The following MLYCD variants were observed in gnomAD, a reference collection of about 807,000 sequenced individuals.
MLYCD encodes the protein malonyl-CoA decarboxylase, mitochondrial.
MLYCD carries 27 observed loss-of-function variants against 35.8 expected under a neutral mutation model. The observed-to-expected ratio is 0.75, with a 90% CI of 0.56 to 1.04. MLYCD has a LOEUF of 1.04. Among genes scored for constraint, MLYCD ranks in the 50% least tolerant of loss-of-function variants. The pLI, the probability that MLYCD is intolerant of heterozygous loss-of-function variation, is 0.00. For synonymous variants in MLYCD, 403 were observed against 302.4 expected, an observed-to-expected ratio of 1.33 and a Z score of -3.45; for missense variants, 917 against 665.1, an observed-to-expected ratio of 1.38 and a Z score of -4.17.
Position 83,924,502 on chromosome 16 carries a change from A to T in MLYCD, c.*9013A>T, listed in dbSNP as rs1907748061. The T allele has an allele frequency of 6.6e-6, 1 of 152,146 alleles. No individual in the cohort carries two copies. The highest frequency in any genetic ancestry group is 6.5e-5 in the Admixed American group (1 of 15,268). 9.4% of individuals were successfully genotyped at this position (152,146 alleles called of 1,614,324 possible). A position where few individuals can be genotyped will look rare whatever the true frequency, so the allele number is the denominator to read the frequency against. On this transcript the variant is annotated 3_prime_UTR_variant, in exon 5 of 5. Transcript: ENST00000262430. ...TTGTTCTCTCACGTCTGTTGCCGTA[A>T]ATCTGTCTCCATCGCCTGGCACATA...
chr16:83,903,893 C>T (rs1457031122), intron 1 of MLYCD, among the ~76,000 whole-genome samples: 2 of 152,174 alleles, frequency 1.3e-5, no homozygotes, highest in Admixed American at 6.5e-5. Context: ...CCTGAATTAA[C>T]GCACGTACAG....
In MLYCD at chr16:83,918,981, G is replaced by A. The variant is rs372973399; in HGVS notation, c.*3492G>A. ...GCATAGAGCACAGACACAGTGCACA[G>A]GAGAACCACACAATGTACAGGAGAA... On this transcript the variant is annotated 3_prime_UTR_variant, in exon 5 of 5. Transcript: ENST00000262430. The A allele has an allele frequency of 2.7e-5, 4 of 148,480 alleles. No homozygotes were observed. Among genetic ancestry groups the A allele is most frequent in the African/African-American group, 1.0e-4 (4 of 39,676 alleles). 9.2% of individuals were successfully genotyped at this position (148,480 alleles called of 1,614,324 possible).
At position 83,906,973 on chromosome 16, in the gene MLYCD, C is replaced by G. The variant is rs778079452; in HGVS notation, c.529-14C>G. 1 of 1,610,574 alleles carries G rather than the reference C, an allele frequency of 6.2e-7. No homozygotes were observed. ...CGCACATTGGAGGCCTGGGATTTAT[C>G]TTCTCCTTTTCAGGAAATGAATGGG... On this transcript the variant is annotated splice_polypyrimidine_tract_variant and intron_variant, in intron 1 of 4. Transcript: ENST00000262430.
intron 1 of MLYCD, among the ~76,000 whole-genome samples, chr16:83,903,339 C>G (rs1009835514): frequency 1.1e-4 from 16 of 152,122 alleles, no homozygotes; most frequent in Non-Finnish European, 2.9e-5. Context: ...TCTGTGCTTA[C>G]CTATGCTAAA....
rs1056764518 is a variant in MLYCD at position 83,920,464 on chromosome 16, G to C, written c.*4975G>C. 6.6e-6 allele frequency: 1 copy of C among 152,238 alleles called. No homozygotes were observed. Among genetic ancestry groups the C allele is most frequent in the Admixed American group, 6.5e-5 (1 of 15,270 alleles). The allele number at this position is 152,238 out of a possible 1,614,324, so 9.4% of individuals were successfully genotyped here. ...TGGGAGACACGCAGGAAGACCCCCA[G>C]CCCATGCCCGTTCTCAGGCCTGAGG... On this transcript the variant is annotated 3_prime_UTR_variant, in exon 5 of 5. Transcript: ENST00000262430.
Position 83,899,655 on chromosome 16 carries a change from GAGGGGCCGGACGTCCGGGTA to G in MLYCD, c.520_528+11del, listed in dbSNP as rs1243469712. The G allele has an allele frequency of 7.8e-6, 12 of 1,536,228 alleles. No homozygotes were observed. Among genetic ancestry groups the G allele is most frequent in the African/African-American group, 4.2e-5 (3 of 72,006 alleles). ...GGAGGCGCAGGCCCTCAAGCTGGTG[GAGGGGCCGGACGTCCGGGTA>G]AGGGGCCGCCGTCGATCCCCCGGCA... On this transcript the variant is annotated splice_donor_variant and splice_donor_region_variant and coding_sequence_variant and intron_variant, in exon 1 of 5. Coordinates refer to ENST00000262430, the MANE Select transcript of MLYCD (RefSeq NM_012213.3). LOFTEE classifies it high-confidence loss of function.
chr16:83,903,518 A>G (rs370747793), intron 1 of MLYCD, among the ~76,000 whole-genome samples: 81 of 151,840 alleles, frequency 5.3e-4, no homozygotes, highest in African/African-American at 1.6e-3. Context: ...GGACAAGGGA[A>G]GGTAACTTTT....
intron 1 of MLYCD, among the ~76,000 whole-genome samples, chr16:83,900,187 C>A (rs552899018): frequency 6.6e-6 from 1 of 152,116 alleles, no homozygotes; most frequent in Non-Finnish European, 1.5e-5. Flanking sequence ...CCAGGAGTCT[C>A]CATGGCTTCT....
intron 1 of MLYCD, 146 bp downstream of exon 1, chr16:83,899,818 T>C: frequency 9.6e-7 from 1 of 1,043,984 alleles, no homozygotes; most frequent in South Asian, 1.7e-5. Flanking sequence ...CTGCCAACTG[T>C]GTCCCCTTCC....
At position 83,899,451 on chromosome 16, in the gene MLYCD, G is replaced by T; in HGVS notation, c.307G>T (p.Ala103Ser). 6.6e-7 allele frequency: 1 copy of T among 1,524,206 alleles called. No individual in the cohort carries two copies. Among genetic ancestry groups the T allele is most frequent in the East Asian group, 2.6e-5 (1 of 38,002 alleles). 94.4% of individuals were successfully genotyped at this position (1,524,206 alleles called of 1,614,324 possible). The change falls in exon 1 of 5, where the codon GCG becomes TCG. Residue 103 changes from alanine (A) to serine (S), a missense_variant. Ala to Ser is a moderately conservative substitution (Grantham distance 99, BLOSUM62 1). Transcript: ENST00000262430. ...CTTCGGCGTGGACCACGGCCAGGTGGCGGAGCAGAGCGCCGGCGTGCTCCA... is the reference window on the plus strand; with the variant it reads ...CTTCGGCGTGGACCACGGCCAGGTGTCGGAGCAGAGCGCCGGCGTGCTCCA... ...RGFGVDHGQVAEQSAGVLHLR... is the reference protein window; with the variant it reads ...RGFGVDHGQVSEQSAGVLHLR...
At position 83,899,160 on chromosome 16, in the gene MLYCD, C is replaced by T; in HGVS notation, c.16C>T (p.Pro6Ser). Reference protein sequence around the residue: MRGFGPGLTARRLLPL... With the variant: MRGFGSGLTARRLLPL... ...GTGGGGCACCATGCGAGGCTTCGGG[C>T]CAGGCTTGACGGCCAGGCGTCTCCT... is the stretch of plus-strand genomic sequence containing the variant. Residue 6 changes from proline to serine, a missense_variant, in exon 1 of 5, where the codon CCA becomes TCA. By Grantham distance (74) the Pro-to-Ser change is moderately conservative. Coordinates refer to ENST00000262430, the MANE Select transcript of MLYCD (RefSeq NM_012213.3). The T allele has an allele frequency of 8.7e-7, 1 of 1,155,108 alleles. No individual in the cohort carries two copies. The highest frequency in any genetic ancestry group is 4.7e-5 in the Admixed American group (1 of 21,426). The allele number at this position is 1,155,108 out of a possible 1,614,324, so 71.6% of individuals were successfully genotyped here. A position where few individuals can be genotyped will look rare whatever the true frequency, so the allele number is the denominator to read the frequency against.
At position 83,915,127 on chromosome 16, in the gene MLYCD, A is replaced by C; in HGVS notation, c.1120A>C (p.Thr374Pro). ...SEITGGPINETLKLLLSSSEW... is the reference protein window; with the variant it reads ...SEITGGPINEPLKLLLSSSEW... ...GATCACAGGTGGCCCCATTAACGAG[A>C]CCCTCAAGCTCCTCCTCAGCAGCAG... The change falls in exon 5 of 5, where the codon ACC becomes CCC. Residue 374 changes from threonine to proline, a missense_variant. By Grantham distance (38) the Thr-to-Pro change is conservative. Transcript: ENST00000262430. 2 of 1,614,190 alleles carry C rather than the reference A, an allele frequency of 1.2e-6. No homozygotes were observed. The highest frequency in any genetic ancestry group is 1.7e-6 in the Non-Finnish European group (2 of 1,180,038).
At chr16:83,912,942 A>T (rs1907232909) in intron 4 of MLYCD, 1 of 174,664 alleles carries the variant, frequency 5.7e-6, no homozygotes, top group Admixed American at 5.4e-5. Context: ...TAACCATCCT[A>T]CATCAGAAAT....
intron 1 of MLYCD, among the ~76,000 whole-genome samples, chr16:83,899,929 T>G (rs533560030): frequency 3.7e-4 from 56 of 152,362 alleles, no homozygotes; most frequent in African/African-American, 1.3e-3. Context: ...TACTCAGCAC[T>G]TGGTGGTCTT....
At chr16:83,902,545 G>T (rs976908090) in intron 1 of MLYCD, among the ~76,000 whole-genome samples, 19 of 113,308 alleles carry the variant, frequency 1.7e-4, no homozygotes, top group South Asian at 2.9e-4. Context: ...TTGCTCTGTT[G>T]CCCAGGCTGG....
At chr16:83,904,821 C>A (rs532934603) in intron 1 of MLYCD, among the ~76,000 whole-genome samples, 16 of 152,318 alleles carry the variant, frequency 1.1e-4, no homozygotes, top group African/African-American at 3.8e-4. Flanking sequence ...CCTCTGTGGA[C>A]AGCTCCAGCT....
rs1265266652 is a variant in MLYCD, at chr16:83,920,329, T to A, written c.*4840T>A. The A allele has an allele frequency of 6.6e-6, 1 of 152,204 alleles. No individual in the cohort carries two copies. Among genetic ancestry groups the A allele is most frequent in the African/African-American group, 2.4e-5 (1 of 41,454 alleles). The allele number at this position is 152,204 out of a possible 1,614,324, so 9.4% of individuals were successfully genotyped here. A position where few individuals can be genotyped will look rare whatever the true frequency, so the allele number is the denominator to read the frequency against. On this transcript the variant is annotated 3_prime_UTR_variant, in exon 5 of 5. Transcript: ENST00000262430. ...AAACCTTTTTGGGCAGCTAGCAGCT[T>A]TGACTAGCAGCTCATCTCACCAGGC...
chr16:83,916,710 GT>G lies in MLYCD; in HGVS notation c.*1222del, dbSNP rs1907409661. On this transcript the variant is annotated 3_prime_UTR_variant, in exon 5 of 5. Coordinates refer to ENST00000262430, the MANE Select transcript of MLYCD (RefSeq NM_012213.3). ...TGCGTGTGCACGAGCGTCTCTGTGT[GT>G]ATCAGTGCACGTCTGTGTGCGTGTG... 2 of 143,440 alleles carry G rather than the reference GT, an allele frequency of 1.4e-5. No individual in the cohort carries two copies. The highest frequency in any genetic ancestry group is 3.0e-5 in the Non-Finnish European group (2 of 66,540). 8.9% of individuals were successfully genotyped at this position (143,440 alleles called of 1,614,324 possible). A position where few individuals can be genotyped will look rare whatever the true frequency, so the allele number is the denominator to read the frequency against.
At chr16:83,901,079 C>A (rs1906768159) in intron 1 of MLYCD, among the ~76,000 whole-genome samples, 1 of 152,118 alleles carries the variant, frequency 6.6e-6, no homozygotes, top group African/African-American at 2.4e-5. Context: ...ATTTGATTCC[C>A]CGTGATAGCT....
Sources: gnomAD v4.1 joint callset for allele counts (sites outside exome capture counted in the v4.1 genomes callset) on GRCh38, gnomAD v4.1.1 for gene constraint, MANE v1.5 for transcripts, NCBI Gene and HGNC (gene_info 2026-07-23, HGNC 2026-07-21) for gene names.